Variants in CELF2 observed in about 807,000 individuals in gnomAD.
The protein encoded by CELF2 is CUGBP Elav-like family member 2, also known as CUG triplet repeat RNA-binding protein 2.
A neutral mutation model predicts 62.6 loss-of-function variants in CELF2; 8 were observed. The ratio of observed to expected loss-of-function variants is 0.13; its 90% confidence interval spans 0.07 to 0.23. CELF2 has a LOEUF of 0.23. Ranked by LOEUF, CELF2 falls within the 10% of genes least tolerant of loss-of-function variation. The pLI is 1.00. For missense variants in CELF2, 333 were observed against 671.0 expected (o/e 0.50, Z 5.56); for synonymous variants, 258 against 250.0 (o/e 1.03, Z -0.30).
In CELF2 at chr10:11,187,553, T is replaced by G. The variant is rs193034288; in HGVS notation, c.271+21871T>G. Among the ~76,000 whole-genome samples the G allele has an allele frequency of 1.2e-4, 16 of 138,798 alleles. No homozygotes were observed. The East Asian group carries it at 3.2e-3, about 28-fold the overall frequency. 91.1% of individuals were successfully genotyped at this position (138,798 alleles called of 152,430 possible). ...AATTGTTGATAAAGTTTGGTTTAGGTCTCTAATCTCACTAAGGTCGCCCCC... is the reference window on the plus strand; with the variant it reads ...AATTGTTGATAAAGTTTGGTTTAGGGCTCTAATCTCACTAAGGTCGCCCCC... On this transcript the variant is annotated intron_variant, in intron 2 of 12. Coordinates refer to ENST00000633077, the MANE Select transcript of CELF2 (RefSeq NM_001326342.2).
chr10:11,188,525 CCTT>C (rs563965544), intron 2 of CELF2, among the ~76,000 whole-genome samples: 40 of 152,240 alleles, frequency 2.6e-4, no homozygotes, highest in African/African-American at 8.9e-4. Flanking sequence ...TCATCCTTCT[CCTT>C]CTGTTTTTTT....
rs1365631179 is a variant in CELF2 at position 11,046,438 on chromosome 10, A to C, written c.74+28275A>C. Among the ~76,000 whole-genome samples, 1 of 152,194 alleles carries C rather than the reference A, an allele frequency of 6.6e-6. No individual in the cohort carries two copies. The highest frequency in any genetic ancestry group is 1.5e-5 in the Non-Finnish European group (1 of 68,030). On this transcript the variant is annotated intron_variant, in intron 1 of 12. Transcript: ENST00000633077. This position sits in a 1 kb window ranked among gnomAD's most constrained non-coding sequence, Gnocchi z 4.6. ...AGTACTTGTTGGTTCACTGCCTCTG[A>C]TGACACCGAAATGAAATATAAAGGG... is the stretch of plus-strand genomic sequence containing the variant.
At chr10:10,591,339 T>C in the CELF2 span, among the ~76,000 whole-genome samples, 1 of 152,172 alleles carries the variant, frequency 6.6e-6, no homozygotes, top group Non-Finnish European at 1.5e-5. Context: ...ATATCAAAAG[T>C]TACATTTACA....
chr10:10,897,960 C>T (rs899036038), intron 1 of CELF2, among the ~76,000 whole-genome samples: 11 of 152,186 alleles, frequency 7.2e-5, no homozygotes, highest in African/African-American at 2.7e-4. Flanking sequence ...AATGTGGTCT[C>T]TGTAGGCCCA....
intron 2 of CELF2, among the ~76,000 whole-genome samples, chr10:10,943,494 T>A (rs1264413401): frequency 6.6e-6 from 1 of 152,232 alleles, no homozygotes; most frequent in Non-Finnish European, 1.5e-5. Context: ...TCTAGGCATG[T>A]GCTAGGAAAG....
At chr10:11,169,689 C>T (rs1231009637) in intron 2 of CELF2, among the ~76,000 whole-genome samples, 1 of 152,158 alleles carries the variant, frequency 6.6e-6, no homozygotes, top group Non-Finnish European at 1.5e-5. Flanking sequence ...AATATTTTAG[C>T]AACAAGAGGC....
chr10:10,537,929 G>T, the CELF2 span, among the ~76,000 whole-genome samples: 36 of 152,268 alleles, frequency 2.4e-4, no homozygotes, highest in Non-Finnish European at 4.1e-4. Context: ...GTGGCCGCGG[G>T]AGCCTGATTA....
At chr10:10,469,410 C>T in the CELF2 span, among the ~76,000 whole-genome samples, 704 of 152,010 alleles carry the variant, frequency 4.6e-3, 8 homozygotes, top group African/African-American at 0.016. Context: ...CACATTTAGT[C>T]TCTCACTGTA....
In CELF2 at chr10:11,062,188, T is replaced by C. The variant is rs191537695; in HGVS notation, c.74+44025T>C. Reference sequence around the variant, plus strand: ...ATTCCTTTCCAGATATTAGTGCTCATTGGCAATGTACCTTGTCATCCAAGA... The same window carrying C: ...ATTCCTTTCCAGATATTAGTGCTCACTGGCAATGTACCTTGTCATCCAAGA... On this transcript the variant is annotated intron_variant, in intron 1 of 12. Coordinates refer to ENST00000633077, the MANE Select transcript of CELF2 (RefSeq NM_001326342.2). 3.7e-3 allele frequency among the ~76,000 whole-genome samples: 558 copies of C among 152,380 alleles called. 3 individuals carry two copies. The highest frequency in any genetic ancestry group is 0.013 in the African/African-American group (536 of 41,586).
rs1270659538 is a variant in CELF2, at chr10:11,039,949, T to G, written c.74+21786T>G. ...TATTTACAAAAACCATCCCAAGGAC[T>G]GAGAGCAAAATGTATTGATTATCTT... On this transcript the variant is annotated intron_variant, in intron 1 of 12. Transcript: ENST00000633077. This position sits in a 1 kb window ranked among gnomAD's most constrained non-coding sequence, Gnocchi z 4.1. Among the ~76,000 whole-genome samples, 1 of 152,202 alleles carries G rather than the reference T, an allele frequency of 6.6e-6. No homozygotes were observed. Among genetic ancestry groups the G allele is most frequent in the African/African-American group, 2.4e-5 (1 of 41,446 alleles).
chr10:10,687,386 C>A, the CELF2 span, among the ~76,000 whole-genome samples: 1 of 152,150 alleles, frequency 6.6e-6, no homozygotes, highest in Admixed American at 6.5e-5. Context: ...TCTCAAAAAA[C>A]TAAATTAAAA....
chr10:10,480,308 G>A, the CELF2 span, among the ~76,000 whole-genome samples: 170 of 152,272 alleles, frequency 1.1e-3, no homozygotes, highest in African/African-American at 4.0e-3. Context: ...GAGGAGCACT[G>A]AAGCAGTGGA....
chr10:11,109,838 C>T (rs2054647974), intron 1 of CELF2, among the ~76,000 whole-genome samples: 1 of 152,166 alleles, frequency 6.6e-6, no homozygotes, highest in Non-Finnish European at 1.5e-5. Flanking sequence ...TCTCCCCGCC[C>T]CCTGACTTTG....
At chr10:11,059,035 G>T (rs1156808349) in intron 1 of CELF2, among the ~76,000 whole-genome samples, 3 of 152,110 alleles carry the variant, frequency 2.0e-5, no homozygotes, top group African/African-American at 4.8e-5. Flanking sequence ...CTTCTTCCTT[G>T]GCCGCACAAA....
chr10:10,577,352 T>C, the CELF2 span, among the ~76,000 whole-genome samples: 4 of 138,334 alleles, frequency 2.9e-5, no homozygotes, highest in Admixed American at 2.2e-4. Flanking sequence ...CCAGTTGTTC[T>C]CAACAAATCT....
At chr10:11,053,467 G>C (rs183181469) in intron 1 of CELF2, among the ~76,000 whole-genome samples, 42 of 152,044 alleles carry the variant, frequency 2.8e-4, no homozygotes, top group Admixed American at 2.6e-3. Context: ...GATGGATTAG[G>C]GGGAAATACT....
intron 1 of CELF2, among the ~76,000 whole-genome samples, chr10:11,151,100 A>G (rs1006104338): frequency 6.6e-6 from 1 of 152,220 alleles, no homozygotes; most frequent in African/African-American, 2.4e-5. Context: ...TGCTGTTTGT[A>G]GTCTGTTTCC....
Position 11,305,558 on chromosome 10 carries a change from A to G in CELF2, c.977-8581A>G, listed in dbSNP as rs189031684. ...CCTGTTATTGTCAGTGGGATTAGGA[A>G]GAGAAGGAAGGTTGGGGGGTTCAGC... On this transcript the variant is annotated intron_variant, in intron 9 of 12. Coordinates refer to ENST00000633077, the MANE Select transcript of CELF2 (RefSeq NM_001326342.2). The surrounding 1 kb of genome is among the most constrained non-coding windows in gnomAD (Gnocchi z 4.8). 6.6e-6 allele frequency among the ~76,000 whole-genome samples: 1 copy of G among 152,348 alleles called. No homozygotes were observed. The highest frequency in any genetic ancestry group is 1.5e-5 in the Non-Finnish European group (1 of 68,044).
chr10:10,629,862 A>C, the CELF2 span, among the ~76,000 whole-genome samples: 1 of 51,444 alleles, frequency 1.9e-5, no homozygotes, highest in East Asian at 4.6e-4. Flanking sequence ...GCTGAAGACC[A>C]AAAAAAAAAA....
Sources: gnomAD v4.1 joint callset for allele counts (sites outside exome capture counted in the v4.1 genomes callset) on GRCh38, gnomAD v4.1.1 for gene constraint, Gnocchi (gnomAD v3.1) non-coding constraint, MANE v1.5 for transcripts, NCBI Gene and HGNC (gene_info 2026-07-23, HGNC 2026-07-21) for gene names.